PIK3CB: variants seen among roughly 807,000 people sequenced by gnomAD.
PIK3CB encodes phosphatidylinositol 4,5-bisphosphate 3-kinase catalytic subunit beta isoform.
PIK3CB carries 39 observed loss-of-function variants against 136.8 expected under a neutral mutation model. The ratio of observed to expected loss-of-function variants is 0.29; its 90% confidence interval spans 0.22 to 0.37. PIK3CB has a LOEUF of 0.37. PIK3CB is among the 10% of genes least tolerant of loss of function. The probability of loss-of-function intolerance (pLI) is 1.00; values close to 1 mark genes in which losing one functional copy is unlikely to be tolerated. For synonymous variants in PIK3CB, 428 were observed against 436.6 expected (o/e 0.98, Z 0.25); for missense variants, 868 against 1,275.4 (o/e 0.68, Z 4.87).
intron 2 of PIK3CB, chr3:138,778,350 C>T (rs1331595365): frequency 1.2e-5 from 4 of 327,618 alleles, no homozygotes. Flanking sequence ...ATCATGACCT[C>T]ATCCATGCTA....
chr3:138,721,598 T>C (rs2044727634), intron 8 of PIK3CB, among the ~76,000 whole-genome samples: 1 of 152,236 alleles, frequency 6.6e-6, no homozygotes. Flanking sequence ...AAATCCAGTT[T>C]TGAATAAAAA....
At chr3:138,829,722 G>C (rs542946305) in intron 1 of PIK3CB, among the ~76,000 whole-genome samples, 3 of 152,118 alleles carry the variant, frequency 2.0e-5, no homozygotes, top group African/African-American at 7.2e-5. Flanking sequence ...AGGAGGCGGA[G>C]GTTGCAGTGA....
chr3:138,691,392 T>C (rs1199459246), intron 14 of PIK3CB, among the ~76,000 whole-genome samples: 1 of 152,200 alleles, frequency 6.6e-6, no homozygotes, highest in Non-Finnish European at 1.5e-5. Context: ...ATGAATTAGA[T>C]TGTGATATGG....
chr3:138,725,125 C>T (rs2044809523), intron 8 of PIK3CB, among the ~76,000 whole-genome samples: 1 of 151,880 alleles, frequency 6.6e-6, no homozygotes, highest in Non-Finnish European at 1.5e-5. Context: ...CAATATATGC[C>T]CAGACTTCAC....
chr3:138,711,397 T>C (rs2044494820), intron 10 of PIK3CB, among the ~76,000 whole-genome samples: 1 of 151,598 alleles, frequency 6.6e-6, no homozygotes, highest in African/African-American at 2.4e-5. Context: ...CTGACCAACA[T>C]GGAGAAACCC....
At chr3:138,673,686 CACACACACGT>C (rs1417970552) in intron 19 of PIK3CB, among the ~76,000 whole-genome samples, 2 of 152,064 alleles carry the variant, frequency 1.3e-5, no homozygotes, top group Non-Finnish European at 2.9e-5. Flanking sequence ...ATTTAAAACA[CACACACACGT>C]ACACACACAC....
intron 15 of PIK3CB, among the ~76,000 whole-genome samples, chr3:138,689,768 C>G (rs574134556): frequency 6.6e-6 from 1 of 151,816 alleles, no homozygotes; most frequent in South Asian, 2.1e-4. Flanking sequence ...GTTAATACTT[C>G]AAAGTTCAAA....
intron 13 of PIK3CB, among the ~76,000 whole-genome samples, chr3:138,696,170 T>TA (rs1268446221): frequency 3.3e-5 from 5 of 151,850 alleles, no homozygotes; most frequent in Admixed American, 6.6e-5. Context: ...TAGTAATTTT[T>TA]AAATTTTAAC....
intron 10 of PIK3CB, among the ~76,000 whole-genome samples, chr3:138,709,844 T>C (rs113580802): frequency 2.6e-5 from 4 of 152,204 alleles, no homozygotes; most frequent in African/African-American, 9.6e-5. Flanking sequence ...TTTGCTGCTA[T>C]ATTTTATTGT....
Position 138,792,387 on chromosome 3 carries a change from T to A in PIK3CB, c.-17+4076A>T, listed in dbSNP as rs559478603. 1.9e-4 allele frequency among the ~76,000 whole-genome samples: 29 copies of A among 152,116 alleles called. No homozygotes were observed. The South Asian group carries it at 5.6e-3, about 29-fold the overall frequency. On this transcript the variant is annotated intron_variant, in intron 2 of 23. Coordinates refer to ENST00000674063, the MANE Select transcript of PIK3CB (RefSeq NM_006219.3). The stretch of plus-strand genomic sequence containing the variant: ...CAGGTTACCATTGAGATAATTTTTG[T>A]TTTTTGAGACACAGTCTCGCTCTGT...
chr3:138,827,991 A>C lies in PIK3CB; in HGVS notation c.-122+6704T>G, dbSNP rs184430954. ...TGACAGAGCGAGACTCCGTCTCAAA[A>C]AAAACAAAACAAAACAAAAAAAGGT... On this transcript the variant is annotated intron_variant, in intron 1 of 23. Transcript: ENST00000674063. Among the ~76,000 whole-genome samples the C allele has an allele frequency of 2.6e-4, 40 of 151,974 alleles. No individual in the cohort carries two copies. The East Asian group carries it at 2.9e-3, about 11-fold the overall frequency.
chr3:138,825,297 G>A, intron 1 of PIK3CB: 2 of 484,002 alleles, frequency 4.1e-6, no homozygotes, highest in Non-Finnish European at 7.5e-6. Context: ...GATTGTTGCT[G>A]CTGGTGTCGG....
chr3:138,811,089 T>C (rs1933023383), intron 1 of PIK3CB, among the ~76,000 whole-genome samples: 1 of 151,430 alleles, frequency 6.6e-6, no homozygotes, highest in African/African-American at 2.4e-5. Flanking sequence ...AAGCTGGGCA[T>C]GGTGGTGCGT....
intron 18 of PIK3CB, among the ~76,000 whole-genome samples, chr3:138,682,604 C>A (rs2043804779): frequency 6.6e-6 from 1 of 152,194 alleles, no homozygotes; most frequent in Non-Finnish European, 1.5e-5. Context: ...GTAACTGCAT[C>A]ACGAGGTCAC....
intron 1 of PIK3CB, among the ~76,000 whole-genome samples, chr3:138,812,023 T>G (rs542288791): frequency 6.6e-6 from 1 of 152,066 alleles, no homozygotes; most frequent in African/African-American, 2.4e-5. Context: ...CTCAAGAGTT[T>G]GAGGCTGCAG....
chr3:138,709,224 T>C (rs146436453), intron 10 of PIK3CB, among the ~76,000 whole-genome samples: 2,028 of 152,246 alleles, frequency 0.013, 45 homozygotes, highest in Middle Eastern at 0.048. Flanking sequence ...TTATCTCAGA[T>C]ATACACTGTA....
chr3:138,725,794 T>G (rs2044824014), intron 8 of PIK3CB, among the ~76,000 whole-genome samples: 1 of 152,230 alleles, frequency 6.6e-6, no homozygotes, highest in Non-Finnish European at 1.5e-5. Flanking sequence ...CTTTAATGTC[T>G]TTGTGAGATA....
At chr3:138,830,991 A>G (rs1443549910) in intron 1 of PIK3CB, among the ~76,000 whole-genome samples, 3 of 148,840 alleles carry the variant, frequency 2.0e-5, no homozygotes, top group Non-Finnish European at 4.4e-5. Flanking sequence ...TATTTTATTT[A>G]TTTATTGGGG....
chr3:138,816,619 TAA>T (rs1933343630), intron 1 of PIK3CB, among the ~76,000 whole-genome samples: 1 of 150,452 alleles, frequency 6.6e-6, no homozygotes, highest in African/African-American at 2.4e-5. Context: ...AATAAATAAA[TAA>T]ATAAATATAA....
Sources: allele counts gnomAD v4.1 joint callset (sites outside exome capture counted in the v4.1 genomes callset), GRCh38; gene constraint gnomAD v4.1.1; transcripts MANE v1.5; gene names NCBI Gene and HGNC (gene_info 2026-07-23, HGNC 2026-07-21).